BCL11A: variants seen among roughly 807,000 people sequenced by gnomAD.
BCL11A encodes the protein BCL11 transcription factor A.
Under a neutral mutation model 55.9 loss-of-function variants are expected in BCL11A, and 2 were observed. The observed-to-expected ratio is 0.04, with a 90% CI of 0.01 to 0.11. The LOEUF (loss-of-function observed/expected upper bound fraction) is 0.11, where lower values mean the gene tolerates loss of function less well. Ranked by LOEUF, BCL11A falls within the 10% of genes least tolerant of loss-of-function variation. The probability of loss-of-function intolerance (pLI) is 1.00; values close to 1 mark genes in which losing one functional copy is unlikely to be tolerated. For missense variants in BCL11A, 817 were observed against 1,137.1 expected, an observed-to-expected ratio of 0.72 and a Z score of 4.05; for synonymous variants, 465 against 473.4, an observed-to-expected ratio of 0.98 and a Z score of 0.23.
chr2:60,546,273 T>C lies in BCL11A; in HGVS notation c.83A>G (p.Asp28Gly). Residue 28 changes from aspartate (D) to glycine (G), a missense_variant, in exon 2 of 4, where the codon GAT becomes GGT. Asp to Gly is a moderately conservative substitution (Grantham distance 94). Coordinates refer to ENST00000642384, the MANE Select transcript of BCL11A (RefSeq NM_022893.4). This position sits in a 1 kb window ranked among gnomAD's most constrained non-coding sequence, Gnocchi z 4.1. ...SPEPLEAILTDDEPDHGPLGA... is the reference protein window; with the variant it reads ...SPEPLEAILTGDEPDHGPLGA... ...CAACGGGCCGTGGTCTGGTTCATCA[T>C]CTGTAAGAATGGCTTCAAGAGGCTC... The C allele has an allele frequency of 1.2e-6, 2 of 1,614,048 alleles. No individual in the cohort carries two copies. The highest frequency in any genetic ancestry group is 1.7e-6 in the Non-Finnish European group (2 of 1,179,916).
At chr2:60,504,245 G>C (rs1255676055) in intron 2 of BCL11A, among the ~76,000 whole-genome samples, 1 of 152,206 alleles carries the variant, frequency 6.6e-6, no homozygotes, top group Non-Finnish European at 1.5e-5. Context: ...TTCCAGAACT[G>C]CTGCCTACCG....
At chr2:60,516,152 T>C (rs1668718216) in intron 2 of BCL11A, among the ~76,000 whole-genome samples, 1 of 152,198 alleles carries the variant, frequency 6.6e-6, no homozygotes, top group African/African-American at 2.4e-5. Flanking sequence ...TGCTTTCCCA[T>C]GTCTGTAATG....
At chr2:60,474,368 T>C (rs1677393741) in intron 2 of BCL11A, among the ~76,000 whole-genome samples, 1 of 152,248 alleles carries the variant, frequency 6.6e-6, no homozygotes, top group Non-Finnish European at 1.5e-5. Flanking sequence ...TTGTGTTCCA[T>C]CTTTGTGTTG....
downstream of BCL11A, among the ~76,000 whole-genome samples, chr2:60,454,223 C>T (rs1259690860): frequency 6.6e-6 from 1 of 152,180 alleles, no homozygotes; most frequent in East Asian, 1.9e-4. Context: ...AGTAAATACA[C>T]ATCATACCAA....
At chr2:60,492,787 C>G (rs1360318405) in intron 2 of BCL11A, among the ~76,000 whole-genome samples, 1 of 152,206 alleles carries the variant, frequency 6.6e-6, no homozygotes, top group African/African-American at 2.4e-5. Flanking sequence ...GGTTCCACTC[C>G]AGTGGTGGGT....
At chr2:60,547,132 C>T (rs924457171) in intron 1 of BCL11A, among the ~76,000 whole-genome samples, 1 of 151,892 alleles carries the variant, frequency 6.6e-6, no homozygotes, top group Admixed American at 6.6e-5. Flanking sequence ...AAATGGAATG[C>T]CTATAATATT....
chr2:60,542,441 A>C (rs761538186), intron 2 of BCL11A: 2 of 152,274 alleles, frequency 1.3e-5, no homozygotes, highest in African/African-American at 2.4e-5. Context: ...AAAACAAAAC[A>C]AAACCCCTAT....
intron 2 of BCL11A, among the ~76,000 whole-genome samples, chr2:60,493,120 A>T (rs1678741934): frequency 6.6e-6 from 1 of 152,206 alleles, no homozygotes; most frequent in African/African-American, 2.4e-5. Context: ...TCCACAGAGC[A>T]GAATGATTCT....
At chr2:60,502,807 C>G (rs1413632776) in intron 2 of BCL11A, among the ~76,000 whole-genome samples, 1 of 152,214 alleles carries the variant, frequency 6.6e-6, no homozygotes, top group Non-Finnish European at 1.5e-5. Flanking sequence ...AATTCTAGTC[C>G]TGTCACCCAG....
chr2:60,489,836 C>T (rs71526490), intron 2 of BCL11A, among the ~76,000 whole-genome samples: 4,441 of 152,252 alleles, frequency 0.029, 85 homozygotes, highest in Middle Eastern at 0.054. Flanking sequence ...AGCAGGAGGA[C>T]ACTATTAAAG....
intron 2 of BCL11A, among the ~76,000 whole-genome samples, chr2:60,502,665 T>G (rs1174512636): frequency 6.6e-6 from 1 of 152,210 alleles, no homozygotes; most frequent in Non-Finnish European, 1.5e-5. Context: ...AACCAGAAAC[T>G]CTTTGTGTTG....
intron 2 of BCL11A, among the ~76,000 whole-genome samples, chr2:60,509,920 A>G (rs1355700385): frequency 6.6e-6 from 1 of 151,820 alleles, no homozygotes; most frequent in Non-Finnish European, 1.5e-5. Context: ...AATAAACAGC[A>G]ATTCTATTCT....
At chr2:60,469,069 A>G (rs767013581) in intron 2 of BCL11A, among the ~76,000 whole-genome samples, 1 of 152,206 alleles carries the variant, frequency 6.6e-6, no homozygotes, top group Non-Finnish European at 1.5e-5. Flanking sequence ...TGTTTTAGGA[A>G]AGGGGAGAGG....
rs1669705693 is a variant in BCL11A at position 60,537,180 on chromosome 2, CAT to C, written c.385+8789_385+8790del. 3 of 28,034 alleles carry C rather than the reference CAT, an allele frequency of 1.1e-4. No homozygotes were observed. The Admixed American group carries it at 1.3e-3, about 12-fold the overall frequency. The allele number at this position is 28,034 out of a possible 1,614,324, so 1.7% of individuals were successfully genotyped here. On this transcript the variant is annotated intron_variant, in intron 2 of 3. Transcript: ENST00000642384. The stretch of plus-strand genomic sequence containing the variant: ...TCCTTATTGATTTTTTTCTCCTTAA[CAT>C]AACAAAAACATAACATGAGAAGGTT...
intron 2 of BCL11A, among the ~76,000 whole-genome samples, chr2:60,531,232 C>T (rs892655061): frequency 2.0e-5 from 3 of 152,058 alleles, no homozygotes; most frequent in South Asian, 2.1e-4. Context: ...TGTTGCCCGA[C>T]GGTCCTGCAC....
At chr2:60,505,909 C>A (rs1679563768) in intron 2 of BCL11A, among the ~76,000 whole-genome samples, 1 of 152,176 alleles carries the variant, frequency 6.6e-6, no homozygotes. Context: ...CCGTAAATAC[C>A]CAGAAGCAAT....
intron 2 of BCL11A, chr2:60,543,471 A>G (rs1383840781): frequency 6.6e-6 from 1 of 152,268 alleles, no homozygotes; most frequent in Non-Finnish European, 1.5e-5. Context: ...GGAATTGTGC[A>G]GACGTGCTTT....
chr2:60,547,191 G>A (rs1670194996), intron 1 of BCL11A, among the ~76,000 whole-genome samples: 1 of 152,064 alleles, frequency 6.6e-6, no homozygotes, highest in African/African-American at 2.4e-5. Flanking sequence ...AATCAGAATG[G>A]TCAAGCAAAC....
At position 60,458,467 on chromosome 2, in the gene BCL11A, C is replaced by T; in HGVS notation, c.*1937G>A. Reference sequence around the variant, plus strand: ...CATTTATATTTAAAAAAGTTTTGTACAAAAAAATCCTTGCACTGTAGAAGC... The same window carrying T: ...CATTTATATTTAAAAAAGTTTTGTATAAAAAAATCCTTGCACTGTAGAAGC... On this transcript the variant is annotated 3_prime_UTR_variant, in exon 4 of 4. Coordinates refer to ENST00000642384, the MANE Select transcript of BCL11A (RefSeq NM_022893.4). 1 of 1,026,444 alleles carries T rather than the reference C, an allele frequency of 9.7e-7. No individual in the cohort carries two copies. The highest frequency in any genetic ancestry group is 1.7e-5 in the African/African-American group (1 of 58,982). 63.6% of individuals were successfully genotyped at this position (1,026,444 alleles called of 1,614,324 possible). A position where few individuals can be genotyped will look rare whatever the true frequency, so the allele number is the denominator to read the frequency against.
Sources: allele counts gnomAD v4.1 joint callset (sites outside exome capture counted in the v4.1 genomes callset), GRCh38; gene constraint gnomAD v4.1.1; non-coding constraint Gnocchi (gnomAD v3.1); transcripts MANE v1.5; gene names NCBI Gene and HGNC (gene_info 2026-07-23, HGNC 2026-07-21).